GML: variants seen among roughly 807,000 people sequenced by gnomAD.
GML encodes glycosyl-phosphatidylinositol-anchored molecule-like protein.
GML carries 5 observed loss-of-function variants against 8.2 expected under a neutral mutation model. That is an observed-to-expected ratio of 0.61 (90% CI 0.32 to 1.28). GML has a LOEUF of 1.28. GML is among the 50% of genes most tolerant of loss of function. The pLI, the probability that GML is intolerant of heterozygous loss-of-function variation, is 0.06. For missense variants in GML, 191 were observed against 198.3 expected, an observed-to-expected ratio of 0.96 and a Z score of 0.22; for synonymous variants, 72 against 69.0, an observed-to-expected ratio of 1.04 and a Z score of -0.22.
At position 142,846,783 on chromosome 8, in the gene GML, A is replaced by T; in HGVS notation, c.*93A>T. The T allele has an allele frequency of 1.1e-6, 1 of 909,248 alleles. No homozygotes were observed. Among genetic ancestry groups the T allele is most frequent in the Admixed American group, 2.4e-5 (1 of 42,378 alleles). The allele number at this position is 909,248 out of a possible 1,614,324, so 56.3% of individuals were successfully genotyped here. On this transcript the variant is annotated 3_prime_UTR_variant, in exon 4 of 4. Coordinates refer to ENST00000220940, the MANE Select transcript of GML (RefSeq NM_002066.3). ...CCTTCTAAGCCAGAGACCCTTATCC[A>T]CTGCTCCTCTAGGTGGCCCATTTAT...
intron 1 of GML, among the ~76,000 whole-genome samples, chr8:142,839,855 T>G (rs1014380877): frequency 1.2e-4 from 19 of 152,152 alleles, no homozygotes; most frequent in African/African-American, 4.6e-4. Flanking sequence ...GGCTCGGTGA[T>G]GCCCAGGGTG....
At position 142,846,693 on chromosome 8, in the gene GML, A is replaced by G. The variant is rs371313765; in HGVS notation, c.*3A>G. On this transcript the variant is annotated 3_prime_UTR_variant, in exon 4 of 4. Transcript: ENST00000220940. ...TAGTCAGCAATATATTGCCATGAGG[A>G]CCCCACCTTGGAGGGTCTGACCATC... is the stretch of plus-strand genomic sequence containing the variant. The G allele has an allele frequency of 3.0e-5, 49 of 1,608,284 alleles. No homozygotes were observed. The African/African-American group carries it at 5.6e-4, about 18-fold the overall frequency.
chr8:142,844,027 A>G (rs949597051), intron 3 of GML, among the ~76,000 whole-genome samples: 1 of 152,256 alleles, frequency 6.6e-6, no homozygotes, highest in Non-Finnish European at 1.5e-5. Flanking sequence ...TAACCAAAGC[A>G]GTCTTGGGGA....
Position 142,841,182 on chromosome 8 carries a change from A to T in GML, c.138A>T (p.Arg46Ser). 1 of 1,579,006 alleles carries T rather than the reference A, an allele frequency of 6.3e-7. No individual in the cohort carries two copies. Among genetic ancestry groups the T allele is most frequent in the African/African-American group, 1.3e-5 (1 of 74,192 alleles). Residue 46 changes from arginine (R) to serine (S), a missense_variant, in exon 3 of 4, where the codon AGA (arginine) becomes AGT (serine). By Grantham distance (110) the Arg-to-Ser change is moderately radical (BLOSUM62 -1). Coordinates refer to ENST00000220940, the MANE Select transcript of GML (RefSeq NM_002066.3). ...VINDFNCPNI[R>S]VCPYHIRRCM... The stretch of plus-strand genomic sequence containing the variant: ...ATGACTTCAACTGTCCCAACATTAG[A>T]GTATGTCCGTATCATATTAGGCGCT...
chr8:142,835,210 G>A (rs1238647288), intron 1 of GML, among the ~76,000 whole-genome samples: 10 of 112,206 alleles, frequency 8.9e-5, no homozygotes, highest in African/African-American at 2.4e-4. Flanking sequence ...TCCCATCAGG[G>A]TCCCAGGGAG....
chr8:142,845,782 G>A (rs1816496447), intron 3 of GML, among the ~76,000 whole-genome samples: 1 of 152,166 alleles, frequency 6.6e-6, no homozygotes, highest in Non-Finnish European at 1.5e-5. Context: ...CTTCACCAGA[G>A]GGCTTGTCCA....
Position 142,846,437 on chromosome 8 carries a change from A to G in GML, c.224A>G (p.Asn75Ser). The part of the protein sequence containing the change: ...RELLVYKNCT[N>S]NCTFVYAAEQ... ...CTACTTGTTTATAAGAACTGTACAA[A>G]CAACTGCACATTTGTATATGCAGCT... Residue 75 changes from asparagine (N) to serine (S), a missense_variant, in exon 4 of 4, where the codon AAC becomes AGC. Physicochemically the swap from Asn to Ser is conservative, Grantham distance 46. Transcript: ENST00000220940. 1 of 1,612,538 alleles carries G rather than the reference A, an allele frequency of 6.2e-7. No individual in the cohort carries two copies. The highest frequency in any genetic ancestry group is 8.5e-7 in the Non-Finnish European group (1 of 1,178,550).
At chr8:142,834,923 G>A (rs1816309395) in intron 1 of GML, 55 bp downstream of exon 1, 1 of 152,288 alleles carries the variant, frequency 6.6e-6, no homozygotes, top group African/African-American at 2.4e-5. Context: ...TCTGCCCAGG[G>A]GCCCAGCTGA....
At chr8:142,836,703 C>A (rs1034140857) in intron 1 of GML, among the ~76,000 whole-genome samples, 1 of 152,154 alleles carries the variant, frequency 6.6e-6, no homozygotes, top group Non-Finnish European at 1.5e-5. Context: ...TCTCCTCTCT[C>A]CAGGAGCCTG....
At chr8:142,835,947 TG>T (rs1816333738) in intron 1 of GML, among the ~76,000 whole-genome samples, 1 of 152,254 alleles carries the variant, frequency 6.6e-6, no homozygotes. Context: ...TTTCTTGTAG[TG>T]GGTCTGCTGA....
intron 3 of GML, among the ~76,000 whole-genome samples, 178 bp downstream of exon 3, chr8:142,841,403 A>G (rs1185762955): frequency 6.6e-6 from 1 of 152,170 alleles, no homozygotes; most frequent in Non-Finnish European, 1.5e-5. Flanking sequence ...ATAGGCCAGC[A>G]TGCATCATCT....
In GML at chr8:142,846,702, T is replaced by C; in HGVS notation, c.*12T>C. On this transcript the variant is annotated 3_prime_UTR_variant, in exon 4 of 4. Transcript: ENST00000220940. Reference sequence around the variant, plus strand: ...ATATATTGCCATGAGGACCCCACCTTGGAGGGTCTGACCATCTTCACCTGT... The same window carrying C: ...ATATATTGCCATGAGGACCCCACCTCGGAGGGTCTGACCATCTTCACCTGT... The C allele has an allele frequency of 6.3e-7, 1 of 1,593,924 alleles. No homozygotes were observed. Among genetic ancestry groups the C allele is most frequent in the Admixed American group, 1.7e-5 (1 of 59,818 alleles).
chr8:142,845,667 G>A (rs1816494473), intron 3 of GML, among the ~76,000 whole-genome samples: 2 of 152,182 alleles, frequency 1.3e-5, no homozygotes, highest in African/African-American at 4.8e-5. Flanking sequence ...GGTGTTAGAT[G>A]GAGCTTTGGT....
Position 142,840,450 on chromosome 8 carries a change from G to C in GML, c.13G>C (p.Ala5Pro), listed in dbSNP as rs992195182. The C allele has an allele frequency of 1.2e-6, 2 of 1,613,536 alleles. No homozygotes were observed. The highest frequency in any genetic ancestry group is 3.3e-5 in the Admixed American group (2 of 60,012). The change falls in exon 2 of 4, where the codon GCC becomes CCC. Residue 5 changes from alanine to proline, a missense_variant. Transcript: ENST00000220940. ...CCTGCGTGAAGTGATGCTCCTCTTT[G>C]CCTTACTCCTAGCCATGGAGCTCCC... The part of the protein sequence containing the change: MLLF[A>P]LLLAMELPLV...
At chr8:142,838,650 CTGTT>C (rs762890031) in intron 1 of GML, among the ~76,000 whole-genome samples, 4 of 152,212 alleles carry the variant, frequency 2.6e-5, no homozygotes, top group African/African-American at 4.8e-5. Context: ...ACCAGGGTCT[CTGTT>C]TGCTGATGCT....
chr8:142,846,459 AGCTGAACAGCCTCCT>A lies in GML; in HGVS notation c.248_262del (p.Ala83_Pro87del). ...CAAACAACTGCACATTTGTATATGC[AGCTGAACAGCCTCCT>A]GAAGCCCCAGGAAAAATCTTCAAAA... On this transcript the variant is annotated inframe_deletion, in exon 4 of 4. Coordinates refer to ENST00000220940, the MANE Select transcript of GML (RefSeq NM_002066.3). The A allele has an allele frequency of 6.2e-7, 1 of 1,612,812 alleles. No homozygotes were observed. The highest frequency in any genetic ancestry group is 8.5e-7 in the Non-Finnish European group (1 of 1,178,738).
In GML at chr8:142,837,852, G is replaced by T. The variant is rs558707240; in HGVS notation, c.-22-2564G>T. 2.4e-3 allele frequency among the ~76,000 whole-genome samples: 354 copies of T among 147,462 alleles called. 1 individual carries two copies. The highest frequency in any genetic ancestry group is 3.6e-3 in the Non-Finnish European group (245 of 67,262). Reference sequence around the variant, plus strand: ...ACTTGGCCTTCTCTGACTCCCCAGGGTCCCTCCCACCACAGCACTTGGAGG... The same window carrying T: ...ACTTGGCCTTCTCTGACTCCCCAGGTTCCCTCCCACCACAGCACTTGGAGG... On this transcript the variant is annotated intron_variant, in intron 1 of 3. Coordinates refer to ENST00000220940, the MANE Select transcript of GML (RefSeq NM_002066.3).
chr8:142,845,861 T>C (rs1302435738), intron 3 of GML, among the ~76,000 whole-genome samples: 1 of 152,088 alleles, frequency 6.6e-6, no homozygotes, highest in East Asian at 1.9e-4. Context: ...GCACCAAGGG[T>C]CAAGAGCATT....
intron 3 of GML, among the ~76,000 whole-genome samples, chr8:142,843,287 CA>C (rs1816462855): frequency 2.0e-5 from 3 of 151,068 alleles, no homozygotes; most frequent in Non-Finnish European, 4.4e-5. Context: ...CACACACACA[CA>C]CACACACACA....
Sources: gnomAD v4.1 joint callset for allele counts (sites outside exome capture counted in the v4.1 genomes callset) on GRCh38, gnomAD v4.1.1 for gene constraint, MANE v1.5 for transcripts, NCBI Gene and HGNC (gene_info 2026-07-23, HGNC 2026-07-21) for gene names.